MYRIP: variants seen among roughly 807,000 people sequenced by gnomAD.
The protein encoded by MYRIP is myosin VIIA and Rab interacting protein, also known as rab effector MyRIP.
A neutral mutation model predicts 98.0 loss-of-function variants in MYRIP; 49 were observed. The observed-to-expected ratio is 0.50, with a 90% CI of 0.40 to 0.63. The LOEUF is 0.63. MYRIP is among the 30% of genes least tolerant of loss of function. The pLI is 0.00. For synonymous variants in MYRIP, 404 were observed against 409.5 expected, an observed-to-expected ratio of 0.99 and a Z score of 0.16; for missense variants, 1,004 against 1,058.2, an observed-to-expected ratio of 0.95 and a Z score of 0.71.
chr3:40,088,088 C>G (rs1486487093), intron 3 of MYRIP, among the ~76,000 whole-genome samples: 2 of 152,118 alleles, frequency 1.3e-5, no homozygotes, highest in South Asian at 2.1e-4. Context: ...AGGCCAAGGG[C>G]TGGTTGACCT....
intron 3 of MYRIP, among the ~76,000 whole-genome samples, chr3:40,129,886 T>A (rs1949603238): frequency 6.6e-6 from 1 of 152,238 alleles, no homozygotes; most frequent in African/African-American, 2.4e-5. Context: ...TGCTGTTCTA[T>A]GTGATTCCGA....
At chr3:40,027,893 T>A (rs1367250395) in intron 2 of MYRIP, among the ~76,000 whole-genome samples, 2 of 152,086 alleles carry the variant, frequency 1.3e-5, no homozygotes, top group African/African-American at 4.8e-5. Flanking sequence ...CGGGACCAGC[T>A]AAGTGAGTTT....
chr3:40,171,537 A>T (rs1950612821), intron 8 of MYRIP, among the ~76,000 whole-genome samples: 1 of 152,244 alleles, frequency 6.6e-6, no homozygotes, highest in South Asian at 2.1e-4. Context: ...TCCAGAAAGT[A>T]GAAATTCCCA....
chr3:39,850,237 G>A (rs1295212540), intron 1 of MYRIP, among the ~76,000 whole-genome samples: 1 of 152,188 alleles, frequency 6.6e-6, no homozygotes, highest in African/African-American at 2.4e-5. Context: ...GCATTCTCTG[G>A]CTCCTGCCCT....
chr3:40,139,218 T>G (rs1255845007), intron 3 of MYRIP, among the ~76,000 whole-genome samples: 1 of 152,230 alleles, frequency 6.6e-6, no homozygotes. Flanking sequence ...GTATTACATC[T>G]ATTTTTAAAT....
intron 2 of MYRIP, among the ~76,000 whole-genome samples, chr3:39,984,538 C>G (rs1054923726): frequency 3.9e-5 from 6 of 152,108 alleles, no homozygotes; most frequent in African/African-American, 7.2e-5. Context: ...CATCCATGTC[C>G]CTACAAAGGA....
rs1038278695 is a variant in MYRIP, at chr3:39,873,093, G to A, written c.-30-27694G>A. Among the ~76,000 whole-genome samples the A allele has an allele frequency of 9.2e-5, 14 of 152,270 alleles. 1 individual carries two copies. The highest frequency in any genetic ancestry group is 2.4e-4 in the African/African-American group (10 of 41,546). On this transcript the variant is annotated intron_variant, in intron 1 of 16. Coordinates refer to ENST00000302541, the MANE Select transcript of MYRIP (RefSeq NM_015460.4). ...TTGCATTTCTCTGATGGCCAGTGAT[G>A]GTGAGCATTTTTTCATATGTTTTTT... is the stretch of plus-strand genomic sequence containing the variant.
chr3:39,848,169 A>G (rs1291577284), intron 1 of MYRIP, among the ~76,000 whole-genome samples: 2 of 152,214 alleles, frequency 1.3e-5, no homozygotes, highest in Non-Finnish European at 2.9e-5. Context: ...TGTTGGAGCC[A>G]CACGGGTGTA....
intron 15 of MYRIP, among the ~76,000 whole-genome samples, chr3:40,251,625 C>T (rs1393682782): frequency 2.0e-5 from 3 of 152,160 alleles, no homozygotes; most frequent in Non-Finnish European, 4.4e-5. Flanking sequence ...CAGGACTGCA[C>T]ATAAGTATTT....
chr3:40,031,937 C>A (rs1678208731), intron 2 of MYRIP, among the ~76,000 whole-genome samples: 1 of 152,034 alleles, frequency 6.6e-6, no homozygotes, highest in Non-Finnish European at 1.5e-5. Context: ...TTCAAAAAAC[C>A]AGCTCCTGGA....
chr3:39,832,648 T>A (rs146664564), intron 1 of MYRIP, among the ~76,000 whole-genome samples: 83 of 152,272 alleles, frequency 5.5e-4, no homozygotes, highest in Admixed American at 1.4e-3. Context: ...TTTATACAGT[T>A]GTTTAGGGTT....
chr3:39,985,646 T>G (rs1197744122), intron 2 of MYRIP, among the ~76,000 whole-genome samples: 2 of 144,388 alleles, frequency 1.4e-5, no homozygotes, highest in African/African-American at 5.4e-5. Context: ...CCCTCAGAAA[T>G]AACGCTGCAT....
At chr3:40,212,819 G>A (rs1035113481) in intron 11 of MYRIP, among the ~76,000 whole-genome samples, 2 of 151,938 alleles carry the variant, frequency 1.3e-5, no homozygotes, top group Admixed American at 6.6e-5. Context: ...CCAGTTACTC[G>A]AGAGGCTGAG....
chr3:40,063,779 A>G (rs1451245649), intron 3 of MYRIP, among the ~76,000 whole-genome samples: 2 of 152,196 alleles, frequency 1.3e-5, no homozygotes, highest in Admixed American at 1.3e-4. Flanking sequence ...TTAATAGTCA[A>G]GGTTAAAGAG....
intron 2 of MYRIP, among the ~76,000 whole-genome samples, chr3:40,031,357 C>G (rs1947256854): frequency 1.3e-5 from 2 of 152,064 alleles, no homozygotes. Context: ...TCATTCAGAC[C>G]ACAGCAGGGT....
chr3:39,995,916 C>CA (rs1946339566), intron 2 of MYRIP, among the ~76,000 whole-genome samples: 1 of 152,182 alleles, frequency 6.6e-6, no homozygotes, highest in African/African-American at 2.4e-5. Context: ...CCCAGAATTT[C>CA]CTATCCAGCC....
At chr3:40,180,141 G>A (rs2125613862) in intron 8 of MYRIP, among the ~76,000 whole-genome samples, 1 of 152,292 alleles carries the variant, frequency 6.6e-6, no homozygotes, top group East Asian at 1.9e-4. Flanking sequence ...ATGACACTCA[G>A]CCAAAAGCCA....
chr3:40,252,015 G>T lies in MYRIP; in HGVS notation c.2547+16G>T. The T allele has an allele frequency of 6.4e-7, 1 of 1,564,118 alleles. No individual in the cohort carries two copies. Among genetic ancestry groups the T allele is most frequent in the Non-Finnish European group, 8.8e-7 (1 of 1,134,962 alleles). On this transcript the variant is annotated intron_variant, in intron 16 of 16. Transcript: ENST00000302541. Reference sequence around the variant, plus strand: ...GGATTTGATGGTAAATGTCATCTCTGTCTTAATGTTCAACGCTTTCACTGT... The same window carrying T: ...GGATTTGATGGTAAATGTCATCTCTTTCTTAATGTTCAACGCTTTCACTGT...
intron 3 of MYRIP, among the ~76,000 whole-genome samples, chr3:40,116,041 G>T (rs1033175813): frequency 1.3e-5 from 2 of 152,188 alleles, no homozygotes; most frequent in African/African-American, 4.8e-5. Context: ...GCATGGAGTG[G>T]TGAAGAGTCT....
Sources: gnomAD v4.1 joint callset for allele counts (sites outside exome capture counted in the v4.1 genomes callset) on GRCh38, gnomAD v4.1.1 for gene constraint, MANE v1.5 for transcripts, NCBI Gene and HGNC (gene_info 2026-07-23, HGNC 2026-07-21) for gene names.